The following KIRREL3 variants were observed in gnomAD, a reference collection of about 807,000 sequenced individuals.
KIRREL3 encodes the protein kin of IRRE-like protein 3.
In KIRREL3, 36 loss-of-function variants were observed where a neutral mutation model predicts 89.7. That is an observed-to-expected ratio of 0.40 (90% confidence interval 0.31 to 0.53). The LOEUF is 0.53. KIRREL3 is among the 20% of genes least tolerant of loss of function. KIRREL3 has a pLI of 0.49. For synonymous variants in KIRREL3, 445 were observed against 441.4 expected (o/e 1.01, Z -0.10); for missense variants, 864 against 1,056.6 (o/e 0.82, Z 2.53).
chr11:126,459,625 T>G lies in KIRREL3; in HGVS notation c.743-3171A>C, dbSNP rs1167784317. On this transcript the variant is annotated intron_variant, in intron 6 of 16. Transcript: ENST00000525144. The surrounding 1 kb of genome is among the most constrained non-coding windows in gnomAD (Gnocchi z 4.8). ...CACTTGTGATGTCGGCAGCATAACT[T>G]GCAGGAGGGCAGCTTTGATGTAGCT... 1.3e-5 allele frequency among the ~76,000 whole-genome samples: 2 copies of G among 152,218 alleles called. No homozygotes were observed. The highest frequency in any genetic ancestry group is 4.8e-5 in the African/African-American group (2 of 41,456).
intron 7 of KIRREL3, 48 bp from the exon 8 acceptor site, chr11:126,449,205 A>G: frequency 5.0e-6 from 8 of 1,603,042 alleles, no homozygotes; most frequent in Non-Finnish European, 6.8e-6. Flanking sequence ...GGCAAGGCCA[A>G]CCCTCCGGGA....
intron 1 of KIRREL3, among the ~76,000 whole-genome samples, chr11:126,975,645 C>T (rs938158144): frequency 2.0e-5 from 3 of 152,142 alleles, no homozygotes; most frequent in Non-Finnish European, 4.4e-5. Flanking sequence ...GAATGACAGT[C>T]ACCTGGGATG....
Position 126,965,578 on chromosome 11 carries a change from A to G in KIRREL3, c.55+34877T>C, listed in dbSNP as rs1289557844. Reference sequence around the variant, plus strand: ...GCCATTTGAATTCACGGATCCAGTGATCCCTGCTTTTGCATTGTCTCAAAA... The same window carrying G: ...GCCATTTGAATTCACGGATCCAGTGGTCCCTGCTTTTGCATTGTCTCAAAA... On this transcript the variant is annotated intron_variant, in intron 1 of 16. Transcript: ENST00000525144. This position sits in a 1 kb window ranked among gnomAD's most constrained non-coding sequence, Gnocchi z 4.4. Among the ~76,000 whole-genome samples, 1 of 152,186 alleles carries G rather than the reference A, an allele frequency of 6.6e-6. No homozygotes were observed. The highest frequency in any genetic ancestry group is 1.5e-5 in the Non-Finnish European group (1 of 68,034).
rs767144856 is a variant in KIRREL3, at chr11:126,954,616, A to T, written c.55+45839T>A. ...TGATGAAGGTGAGAGCATCTTCCCAAACCCTACAAGATGGCTTGATTCACA... is the reference window on the plus strand; with the variant it reads ...TGATGAAGGTGAGAGCATCTTCCCATACCCTACAAGATGGCTTGATTCACA... On this transcript the variant is annotated intron_variant, in intron 1 of 16. Coordinates refer to ENST00000525144, the MANE Select transcript of KIRREL3 (RefSeq NM_032531.4). The surrounding 1 kb of genome is among the most constrained non-coding windows in gnomAD (Gnocchi z 4.1). Among the ~76,000 whole-genome samples the T allele has an allele frequency of 6.6e-6, 1 of 151,954 alleles. No homozygotes were observed. Among genetic ancestry groups the T allele is most frequent in the Non-Finnish European group, 1.5e-5 (1 of 67,994 alleles).
chr11:126,786,667 T>C (rs1173024442), intron 1 of KIRREL3, among the ~76,000 whole-genome samples: 1 of 152,232 alleles, frequency 6.6e-6, no homozygotes, highest in Non-Finnish European at 1.5e-5. Flanking sequence ...TTTAGGCTAG[T>C]TGAGGAAAAC....
rs1030566112 is a variant in KIRREL3, at chr11:126,676,495, C to A, written c.56-113583G>T. ...TTGACCAGTGTTTCTCAAATTTGCA[C>A]CTGCAGATGTTGTATTGTTTTGTTT... On this transcript the variant is annotated intron_variant, in intron 1 of 16. Transcript: ENST00000525144. The surrounding 1 kb of genome is among the most constrained non-coding windows in gnomAD (Gnocchi z 4.5). 6.6e-6 allele frequency among the ~76,000 whole-genome samples: 1 copy of A among 152,092 alleles called. No homozygotes were observed. Among genetic ancestry groups the A allele is most frequent in the Non-Finnish European group, 1.5e-5 (1 of 68,012 alleles).
At chr11:126,855,859 T>A (rs1195731322) in intron 1 of KIRREL3, among the ~76,000 whole-genome samples, 4 of 152,152 alleles carry the variant, frequency 2.6e-5, no homozygotes, top group African/African-American at 9.7e-5. Context: ...TTCATCAGGG[T>A]TTCTCTGGAC....
At chr11:126,425,540 T>C (rs7926757) in intron 16 of KIRREL3, 98 bp downstream of exon 16, 58,203 of 1,120,054 alleles carry the variant, frequency 0.052, 3,023 homozygotes, top group African/African-American at 0.25. Context: ...TTTTCTTCTC[T>C]GACTTGCTGT....
intron 1 of KIRREL3, among the ~76,000 whole-genome samples, chr11:126,712,479 T>C (rs995808577): frequency 6.6e-6 from 1 of 152,188 alleles, no homozygotes; most frequent in East Asian, 1.9e-4. Context: ...ACCTCGCCCG[T>C]CCTTGGGTTC....
At chr11:126,500,739 C>CAA (rs10556780) in intron 4 of KIRREL3, among the ~76,000 whole-genome samples, 11,508 of 133,022 alleles carry the variant, frequency 0.087, 708 homozygotes, top group Non-Finnish European at 0.12. Context: ...GACTTTAACT[C>CAA]AAAAAAAAAA....
chr11:126,661,554 C>G (rs1945402508), intron 1 of KIRREL3, among the ~76,000 whole-genome samples: 2 of 152,218 alleles, frequency 1.3e-5, no homozygotes, highest in African/African-American at 4.8e-5. Context: ...CTGATTTCAT[C>G]TGTGCCCAGT....
At chr11:126,727,512 G>A (rs1191934082) in intron 1 of KIRREL3, among the ~76,000 whole-genome samples, 1 of 152,208 alleles carries the variant, frequency 6.6e-6, no homozygotes, top group South Asian at 2.1e-4. Context: ...AGGCCTGAAG[G>A]TGGGAGGCGC....
Position 126,802,893 on chromosome 11 carries a change from A to G in KIRREL3, c.55+197562T>C, listed in dbSNP as rs1278673128. 1.3e-5 allele frequency among the ~76,000 whole-genome samples: 2 copies of G among 152,158 alleles called. No homozygotes were observed. Among genetic ancestry groups the G allele is most frequent in the African/African-American group, 4.8e-5 (2 of 41,446 alleles). On this transcript the variant is annotated intron_variant, in intron 1 of 16. Transcript: ENST00000525144. This position sits in a 1 kb window ranked among gnomAD's most constrained non-coding sequence, Gnocchi z 5.2. ...AGCCTGTGGGAAAATTGGCTTTGTT[A>G]TATGGTGTTTTGCTCAAGGTTGTAG...
chr11:126,627,016 C>CG lies in KIRREL3; in HGVS notation c.56-64105_56-64104insC, dbSNP rs1555164879. ...ACACTGTCTCAAGAAAAAAAAAAAA[C>CG]AAAAAAAAAAGAATAACCACAGTTT... On this transcript the variant is annotated intron_variant, in intron 1 of 16. Transcript: ENST00000525144. This position sits in a 1 kb window ranked among gnomAD's most constrained non-coding sequence, Gnocchi z 5.0. Among the ~76,000 whole-genome samples, 3 of 59,038 alleles carry CG rather than the reference C, an allele frequency of 5.1e-5. No individual in the cohort carries two copies. Among genetic ancestry groups the CG allele is most frequent in the African/African-American group, 9.7e-5 (2 of 20,588 alleles). 38.7% of individuals were successfully genotyped at this position (59,038 alleles called of 152,430 possible).
chr11:126,604,012 A>T (rs1278079192), intron 1 of KIRREL3, among the ~76,000 whole-genome samples: 2 of 152,186 alleles, frequency 1.3e-5, no homozygotes, highest in East Asian at 1.9e-4. Context: ...CACGTTATCC[A>T]TTCACTTTTC....
At position 126,677,363 on chromosome 11, in the gene KIRREL3, T is replaced by G. The variant is rs1460294209; in HGVS notation, c.56-114451A>C. Among the ~76,000 whole-genome samples the G allele has an allele frequency of 6.6e-6, 1 of 152,194 alleles. No homozygotes were observed. The highest frequency in any genetic ancestry group is 1.5e-5 in the Non-Finnish European group (1 of 68,042). ...AGTGGAACCATAGACTGTAACTTTT[T>G]AGGATTGCACGTTCCCATCTGATAA... On this transcript the variant is annotated intron_variant, in intron 1 of 16. Coordinates refer to ENST00000525144, the MANE Select transcript of KIRREL3 (RefSeq NM_032531.4). This position sits in a 1 kb window ranked among gnomAD's most constrained non-coding sequence, Gnocchi z 5.1.
In KIRREL3 at chr11:126,778,138, A is replaced by AT. The variant is rs1950223080; in HGVS notation, c.56-215227dup. Among the ~76,000 whole-genome samples, 1 of 152,172 alleles carries AT rather than the reference A, an allele frequency of 6.6e-6. No individual in the cohort carries two copies. The highest frequency in any genetic ancestry group is 2.4e-5 in the African/African-American group (1 of 41,436). ...GACCTCCCCACCCAGAGATAAATACATTTAACATTTCAGTGGATATCCTAC... is the reference window on the plus strand; with the variant it reads ...GACCTCCCCACCCAGAGATAAATACATTTTAACATTTCAGTGGATATCCTAC... On this transcript the variant is annotated intron_variant, in intron 1 of 16. Coordinates refer to ENST00000525144, the MANE Select transcript of KIRREL3 (RefSeq NM_032531.4). This position sits in a 1 kb window ranked among gnomAD's most constrained non-coding sequence, Gnocchi z 4.5.
At position 126,795,812 on chromosome 11, in the gene KIRREL3, T is replaced by TCC. The variant is rs1565738092; in HGVS notation, c.55+204642_55+204643insGG. 6.6e-5 allele frequency among the ~76,000 whole-genome samples: 10 copies of TCC among 151,614 alleles called. No individual in the cohort carries two copies. The highest frequency in any genetic ancestry group is 2.1e-4 in the South Asian group (1 of 4,806). The stretch of plus-strand genomic sequence containing the variant: ...TTCAACCACCAGTTCTTCTTCCCCC[T>TCC]GTGCACCCCAAGAGCGTACATCAGC... On this transcript the variant is annotated intron_variant, in intron 1 of 16. Coordinates refer to ENST00000525144, the MANE Select transcript of KIRREL3 (RefSeq NM_032531.4). The surrounding 1 kb of genome is among the most constrained non-coding windows in gnomAD (Gnocchi z 4.1).
rs894949313 is a variant in KIRREL3, at chr11:126,940,842, G to C, written c.55+59613C>G. On this transcript the variant is annotated intron_variant, in intron 1 of 16. Coordinates refer to ENST00000525144, the MANE Select transcript of KIRREL3 (RefSeq NM_032531.4). This position sits in a 1 kb window ranked among gnomAD's most constrained non-coding sequence, Gnocchi z 4.6. ...TTCTTTTGGTGTAACAGTATCGCATGAGCCAAGACTGTCATGAAACTATTT... is the reference window on the plus strand; with the variant it reads ...TTCTTTTGGTGTAACAGTATCGCATCAGCCAAGACTGTCATGAAACTATTT... The C allele has an allele frequency of 6.6e-6, 1 of 151,234 alleles. No individual in the cohort carries two copies. Among genetic ancestry groups the C allele is most frequent in the African/African-American group, 2.4e-5 (1 of 41,060 alleles). 9.4% of individuals were successfully genotyped at this position (151,234 alleles called of 1,614,324 possible).
Sources: gnomAD v4.1 joint callset for allele counts (sites outside exome capture counted in the v4.1 genomes callset) on GRCh38, gnomAD v4.1.1 for gene constraint, Gnocchi (gnomAD v3.1) non-coding constraint, MANE v1.5 for transcripts, NCBI Gene and HGNC (gene_info 2026-07-23, HGNC 2026-07-21) for gene names.